Variants in NLRP6 observed in about 807,000 individuals in gnomAD.
NLRP6 encodes the protein NLR family pyrin domain containing 6.
NLRP6 carries 55 observed loss-of-function variants against 70.9 expected under a neutral mutation model. The observed-to-expected ratio is 0.78, with a 90% confidence interval of 0.62 to 0.97. NLRP6 has a LOEUF of 0.97. Among genes scored for constraint, NLRP6 ranks in the 50% least tolerant of loss-of-function variants. NLRP6 has a pLI of 0.00. For missense variants in NLRP6, 1,241 were observed against 1,238.3 expected (o/e 1.00, Z -0.03); for synonymous variants, 652 against 581.9 (o/e 1.12, Z -1.73).
rs1845458465 is a variant in NLRP6, at chr11:280,634, G to GGCGGCGA, written c.907_913dup (p.Ala305GlufsTer63). On this transcript the variant is annotated frameshift_variant, in exon 4 of 8. Transcript: ENST00000534750. LOFTEE classifies it high-confidence loss of function. ...CCGCGCCCTGCACAGACCCCTTCGA[G>GGCGGCGA]GCGGCGAGCGGCGCGCGGGTGCTAG... 4 of 1,501,764 alleles carry GGCGGCGA rather than the reference G, an allele frequency of 2.7e-6. No individual in the cohort carries two copies. In the African/African-American group the frequency reaches 4.4e-5, roughly 16 times the overall value. The allele number at this position is 1,501,764 out of a possible 1,614,324, so 93.0% of individuals were successfully genotyped here.
rs1845544183 is a variant in NLRP6, at chr11:285,373, AG to A, written c.*72del. 1 of 1,509,868 alleles carries A rather than the reference AG, an allele frequency of 6.6e-7. No homozygotes were observed. Among genetic ancestry groups the A allele is most frequent in the Non-Finnish European group, 9.1e-7 (1 of 1,104,696 alleles). 93.5% of individuals were successfully genotyped at this position (1,509,868 alleles called of 1,614,324 possible). ...CCTGTGGAGAGAACGGCCCATTCCA[AG>A]GGCAGGAGGATATTGCTCTCGGCCT... On this transcript the variant is annotated 3_prime_UTR_variant, in exon 8 of 8. Transcript: ENST00000534750.
intron 4 of NLRP6, among the ~76,000 whole-genome samples, chr11:282,276 C>T (rs894476036): frequency 1.4e-4 from 22 of 152,160 alleles, no homozygotes; most frequent in Non-Finnish European, 2.1e-4. Context: ...AGTACCCTTT[C>T]GACCACCCTG....
In NLRP6 at chr11:278,456, A is replaced by C; in HGVS notation, c.-114A>C. On this transcript the variant is annotated 5_prime_UTR_variant, in exon 1 of 8. The change abolishes an upstream ATG in the 5' untranslated region. Transcript: ENST00000534750. This position sits in a 1 kb window ranked among gnomAD's most constrained non-coding sequence, Gnocchi z 4.7. ...GAGCTGCGGTGTGTGGACCCGGGGA[A>C]TGGACCGGGCTGGACAACCTCTAAG... 1 of 815,380 alleles carries C rather than the reference A, an allele frequency of 1.2e-6. No homozygotes were observed. Among genetic ancestry groups the C allele is most frequent in the Non-Finnish European group, 1.9e-6 (1 of 537,032 alleles). 50.5% of individuals were successfully genotyped at this position (815,380 alleles called of 1,614,324 possible).
chr11:278,551 C>G lies in NLRP6; in HGVS notation c.-19C>G. The G allele has an allele frequency of 6.3e-7, 1 of 1,582,004 alleles. No homozygotes were observed. Among genetic ancestry groups the G allele is most frequent in the Admixed American group, 1.8e-5 (1 of 55,618 alleles). On this transcript the variant is annotated 5_prime_UTR_variant, in exon 1 of 8. Transcript: ENST00000534750. This position sits in a 1 kb window ranked among gnomAD's most constrained non-coding sequence, Gnocchi z 4.7. ...CCACCTCTGCCCCGGAGTGCTAGAC[C>G]CAGGGAGGAAGAGACCCCATGGACC...
intron 5 of NLRP6, among the ~76,000 whole-genome samples, chr11:283,447 G>C (rs889616583): frequency 1.3e-5 from 2 of 151,424 alleles, no homozygotes; most frequent in African/African-American, 4.9e-5. Context: ...CTGAGTAGCT[G>C]GGACTACAGG....
chr11:282,673 G>A (rs371072845), intron 4 of NLRP6, 32 bp from the exon 5 acceptor site: 63 of 1,548,238 alleles, frequency 4.1e-5, no homozygotes, highest in Non-Finnish European at 4.7e-5. Context: ...TGAGGAGCAG[G>A]GTGGGCTTCA....
At position 279,674 on chromosome 11, in the gene NLRP6, G is replaced by A. The variant is rs74655354; in HGVS notation, c.310+67G>A. On this transcript the variant is annotated intron_variant, in intron 2 of 7. Transcript: ENST00000534750. ...TGGGCTGCCCTCCTTCCCGCTTCCC[G>A]GAGAAGCCCCGGCGCGGTCCCCGGC... The A allele has an allele frequency of 1.2e-3, 1,608 of 1,363,134 alleles. 14 individuals are homozygous for A. In the African/African-American group the frequency reaches 0.023, roughly 19 times the overall value. 84.4% of individuals were successfully genotyped at this position (1,363,134 alleles called of 1,614,324 possible).
At position 280,080 on chromosome 11, in the gene NLRP6, C is replaced by T; in HGVS notation, c.350-4C>T. The T allele has an allele frequency of 6.8e-7, 1 of 1,479,474 alleles. No homozygotes were observed. The highest frequency in any genetic ancestry group is 9.0e-7 in the Non-Finnish European group (1 of 1,115,714). The allele number at this position is 1,479,474 out of a possible 1,614,324, so 91.6% of individuals were successfully genotyped here. On this transcript the variant is annotated splice_polypyrimidine_tract_variant and splice_region_variant and intron_variant, in intron 3 of 7. Transcript: ENST00000534750. ...GTCCCCGCGCTGTCTCCCGCTGCGC[C>T]CAGAGTACAAGAAGAAGTACCGGGA...
Position 285,284 on chromosome 11 carries a change from G to A in NLRP6, c.2656G>A (p.Glu886Lys), listed in dbSNP as rs1298758520. 10 of 1,609,334 alleles carry A rather than the reference G, an allele frequency of 6.2e-6. No homozygotes were observed. The highest frequency in any genetic ancestry group is 2.2e-5 in the South Asian group (2 of 90,016). ...ALDGHPQPPKELISTF is the reference protein window; with the variant it reads ...ALDGHPQPPKKLISTF Reference sequence around the variant, plus strand: ...GGACGGCCACCCACAACCTCCCAAGGAACTCATCTCGACCTTCTGAGGCTC... The same window carrying A: ...GGACGGCCACCCACAACCTCCCAAGAAACTCATCTCGACCTTCTGAGGCTC... The change falls in exon 8 of 8, where the codon GAA becomes AAA. Residue 886 changes from glutamate to lysine, a missense_variant. Transcript: ENST00000534750.
chr11:282,100 C>T (rs1278654896), intron 4 of NLRP6, among the ~76,000 whole-genome samples: 2 of 152,210 alleles, frequency 1.3e-5, no homozygotes, highest in Non-Finnish European at 2.9e-5. Flanking sequence ...CTGGCCCAGC[C>T]CTTCTTCCCA....
chr11:282,826 A>G (rs1165068557), intron 5 of NLRP6, 29 bp downstream of exon 5: 10 of 1,514,922 alleles, frequency 6.6e-6, no homozygotes, highest in African/African-American at 2.7e-5. Context: ...AGCTCTTCCC[A>G]CGGAGCGGGC....
chr11:279,371 C>T lies in NLRP6; in HGVS notation c.74C>T (p.Ala25Val), dbSNP rs1256553439. Residue 25 changes from alanine to valine, a missense_variant, in exon 2 of 8, where the codon GCG (alanine) becomes GTG (valine). Ala to Val is a moderately conservative substitution (Grantham distance 64, BLOSUM62 0). Transcript: ENST00000534750. The stretch of plus-strand genomic sequence containing the variant: ...GTGGCCCGCGAGCTGCTCCTGGCTG[C>T]GCTGGAGGAACTGAGCCAAGAGCAG... ...LAVARELLLA[A>V]LEELSQEQLK... 5 of 1,317,786 alleles carry T rather than the reference C, an allele frequency of 3.8e-6. No individual in the cohort carries two copies. The East Asian group carries it at 9.4e-5, about 25-fold the overall frequency. 81.6% of individuals were successfully genotyped at this position (1,317,786 alleles called of 1,614,324 possible). A position where few individuals can be genotyped will look rare whatever the true frequency, so the allele number is the denominator to read the frequency against.
At position 284,562 on chromosome 11, in the gene NLRP6, C is replaced by T. The variant is rs374720428; in HGVS notation, c.2457C>T (p.Ser819=). Residue 819 remains serine (S), a synonymous_variant, in exon 7 of 8, where the codon AGC becomes AGT. Coordinates refer to ENST00000534750, the MANE Select transcript of NLRP6 (RefSeq NM_001276700.2). ...QSPALTTLDL[S]GCQLPAPMVT... ...CTGCCCTGACCACCCTGGATCTCAG[C>T]GGCTGCCAACTGCCCGCCCCCATGG... The T allele has an allele frequency of 8.1e-6, 13 of 1,612,332 alleles. No homozygotes were observed. Among genetic ancestry groups the T allele is most frequent in the South Asian group, 4.4e-5 (4 of 91,078 alleles).
Position 281,674 on chromosome 11 carries a change from A to G in NLRP6, c.1940A>G (p.Gln647Arg), listed in dbSNP as rs199475809. 6.2e-7 allele frequency: 1 copy of G among 1,613,442 alleles called. No homozygotes were observed. The highest frequency in any genetic ancestry group is 8.5e-7 in the Non-Finnish European group (1 of 1,180,022). ...ALCRFPELAL[Q>R]RVRFCRMDVA... ...TGCCGGTTCCCGGAGCTGGCGCTGC[A>G]GCGAGTGCGCTTCTGCCGCATGGAC... Residue 647 changes from glutamine to arginine, a missense_variant, in exon 4 of 8, where the codon CAG becomes CGG. Physicochemically the swap from Gln to Arg is conservative, Grantham distance 43. Transcript: ENST00000534750.
intron 7 of NLRP6, 32 bp downstream of exon 7, chr11:284,674 C>T (rs774590702): frequency 7.6e-6 from 12 of 1,570,296 alleles, no homozygotes; most frequent in Non-Finnish European, 8.6e-6. Flanking sequence ...GTGCTGGGGA[C>T]ACAGCCTGTC....
rs528415741 is a variant in NLRP6, at chr11:280,607, G to A, written c.873G>A (p.Glu291=). The A allele has an allele frequency of 1.4e-6, 2 of 1,447,910 alleles. No homozygotes were observed. Among genetic ancestry groups the A allele is most frequent in the South Asian group, 1.4e-5 (1 of 69,412 alleles). The allele number at this position is 1,447,910 out of a possible 1,614,324, so 89.7% of individuals were successfully genotyped here. ...ADELPALGGP[E]AAPCTDPFEA... Reference sequence around the variant, plus strand: ...AGCTGCCGGCGCTGGGGGGCCCCGAGGCCGCGCCCTGCACAGACCCCTTCG... The same window carrying A: ...AGCTGCCGGCGCTGGGGGGCCCCGAAGCCGCGCCCTGCACAGACCCCTTCG... Residue 291 remains glutamate (E), a synonymous_variant, in exon 4 of 8, where the codon GAG becomes GAA. Transcript: ENST00000534750.
rs1845544343 is a variant in NLRP6 at position 285,381 on chromosome 11, A to G, written c.*77A>G. 1 of 1,476,762 alleles carries G rather than the reference A, an allele frequency of 6.8e-7. No homozygotes were observed. The allele number at this position is 1,476,762 out of a possible 1,614,324, so 91.5% of individuals were successfully genotyped here. Reference sequence around the variant, plus strand: ...GAGAACGGCCCATTCCAAGGGCAGGAGGATATTGCTCTCGGCCTTTGGGAA... The same window carrying G: ...GAGAACGGCCCATTCCAAGGGCAGGGGGATATTGCTCTCGGCCTTTGGGAA... On this transcript the variant is annotated 3_prime_UTR_variant, in exon 8 of 8. Coordinates refer to ENST00000534750, the MANE Select transcript of NLRP6 (RefSeq NM_001276700.2).
rs752184132 is a variant in NLRP6, at chr11:281,457, GC to G, written c.1726del (p.Leu576CysfsTer18). 1 of 1,599,112 alleles carries G rather than the reference GC, an allele frequency of 6.3e-7. No individual in the cohort carries two copies. Among genetic ancestry groups the G allele is most frequent in the South Asian group, 1.1e-5 (1 of 89,104 alleles). ...CMVSERVKQE[A>X]LRWVQGQGQG... ...GGTTTCAGAGCGTGTGAAGCAGGAG[GC>G]CCTGCGGTGGGTGCAGGGACAGGGA... On this transcript the variant is annotated frameshift_variant, in exon 4 of 8. Coordinates refer to ENST00000534750, the MANE Select transcript of NLRP6 (RefSeq NM_001276700.2). LOFTEE classifies it high-confidence loss of function.
chr11:281,329 G>A lies in NLRP6; in HGVS notation c.1595G>A (p.Gly532Glu), dbSNP rs778289545. ...AAGGVGTLLR[G>E]DAQPHSHLVL... ...GGCGGCGTTGGGACACTCCTGCGTG[G>A]GGACGCCCAGCCGCACAGCCACTTG... is the stretch of plus-strand genomic sequence containing the variant. Residue 532 changes from glycine (G) to glutamate (E), a missense_variant, in exon 4 of 8, where the codon GGG becomes GAG. By Grantham distance (98) the Gly-to-Glu change is moderately conservative. Coordinates refer to ENST00000534750, the MANE Select transcript of NLRP6 (RefSeq NM_001276700.2). The A allele has an allele frequency of 6.2e-7, 1 of 1,610,070 alleles. No homozygotes were observed. Among genetic ancestry groups the A allele is most frequent in the South Asian group, 1.1e-5 (1 of 90,910 alleles).
Sources: gnomAD v4.1 joint callset for allele counts (sites outside exome capture counted in the v4.1 genomes callset) on GRCh38, gnomAD v4.1.1 for gene constraint, Gnocchi (gnomAD v3.1) non-coding constraint, MANE v1.5 for transcripts, NCBI Gene and HGNC (gene_info 2026-07-23, HGNC 2026-07-21) for gene names.